Variants in SACS observed in about 807,000 individuals in gnomAD.
SACS encodes the protein sacsin.
In SACS, 197 loss-of-function variants were observed where a neutral mutation model predicts 348.0. The ratio of observed to expected loss-of-function variants is 0.57; its 90% CI spans 0.50 to 0.64. The LOEUF (loss-of-function observed/expected upper bound fraction) is 0.64, where lower values mean the gene tolerates loss of function less well. Ranked by LOEUF, SACS falls within the 30% of genes least tolerant of loss-of-function variation. SACS has a pLI of 0.00. For missense variants in SACS, 4,999 were observed against 5,360.8 expected (o/e 0.93, Z 2.11); for synonymous variants, 1,985 against 1,910.6 (o/e 1.04, Z -1.02).
chr13:23,342,086 C>T (rs1869295649), intron 9 of SACS, among the ~76,000 whole-genome samples: 1 of 151,952 alleles, frequency 6.6e-6, no homozygotes. Context: ...CACGCCCGGC[C>T]AGTACTGGAA....
At chr13:23,396,343 C>T (rs1216032565) in intron 2 of SACS, among the ~76,000 whole-genome samples, 1 of 147,452 alleles carries the variant, frequency 6.8e-6, no homozygotes, top group Non-Finnish European at 1.5e-5. Context: ...AAAAAAAGAA[C>T]TTATATAAAT....
In SACS at chr13:23,341,120, C is replaced by A. The variant is rs748790180; in HGVS notation, c.2756G>T (p.Arg919Ile). 6 of 1,613,328 alleles carry A rather than the reference C, an allele frequency of 3.7e-6. No individual in the cohort carries two copies. Among genetic ancestry groups the A allele is most frequent in the Non-Finnish European group, 5.1e-6 (6 of 1,179,972 alleles). The change falls in exon 10 of 10, where the codon AGA (arginine) becomes ATA (isoleucine). Residue 919 changes from arginine to isoleucine, a missense_variant. Physicochemically the swap from Arg to Ile is moderately conservative, Grantham distance 97. Around this residue, in one of 6 missense-constraint regions of SACS, gnomAD observed 3,156 missense variants for 3,380.1 expected, o/e 0.93. Transcript: ENST00000382292. ...GAATATTGCCAATTCTTGAATAATT[C>A]TTTTCTCTTTCTCACTGCTATCGGT... ...SLTDSSEKEK[R>I]IIQELAIFKR...
In SACS at chr13:23,337,712, T is replaced by C. The variant is rs772503888; in HGVS notation, c.6164A>G (p.Gln2055Arg). The part of the protein sequence containing the change: ...ILLENTFSEK[Q>R]FFSEVFFPNI... ...TGGAAAAAACACTTCAGAAAAAAACTGTTTCTCTGAAAATGTGTTTTCAAG... is the reference window on the plus strand; with the variant it reads ...TGGAAAAAACACTTCAGAAAAAAACCGTTTCTCTGAAAATGTGTTTTCAAG... Residue 2055 changes from glutamine (Q) to arginine (R), a missense_variant, in exon 10 of 10, where the codon CAG becomes CGG. Physicochemically the swap from Gln to Arg is conservative, Grantham distance 43. Around this residue, in one of 6 missense-constraint regions of SACS, gnomAD observed 3,156 missense variants for 3,380.1 expected, o/e 0.93. Transcript: ENST00000382292. 2.5e-6 allele frequency: 4 copies of C among 1,612,984 alleles called. No homozygotes were observed. The highest frequency in any genetic ancestry group is 4.5e-5 in the East Asian group (2 of 44,880).
chr13:23,427,541 C>A (rs908611568), intron 1 of SACS: 1 of 152,258 alleles, frequency 6.6e-6, no homozygotes. Context: ...GATAAACATG[C>A]CAGCTGCACT....
chr13:23,367,008 A>G (rs1364870149), intron 5 of SACS, among the ~76,000 whole-genome samples: 2 of 152,240 alleles, frequency 1.3e-5, no homozygotes, highest in Non-Finnish European at 2.9e-5. Context: ...CTATAAGCAA[A>G]GCAGAAGGCG....
chr13:23,355,266 G>C lies in SACS; in HGVS notation c.1346C>G (p.Pro449Arg). ...GCTGCTTTCCTCACCAGGTGGTAAA[G>C]GAAGGAAACAAAATGCTTTTCCTGA... ...DFSGKAFCFL[P>R]LPPGEESSTG... The change falls in exon 8 of 10, where the codon CCT (proline) becomes CGT (arginine). Residue 449 changes from proline to arginine, a missense_variant. Pro to Arg is a moderately radical substitution (Grantham distance 103). This residue lies in a region of SACS where 3,156 missense variants were observed against 3,380.1 expected (regional missense o/e 0.93). Transcript: ENST00000382292. The C allele has an allele frequency of 6.2e-7, 1 of 1,614,160 alleles. No homozygotes were observed. Among genetic ancestry groups the C allele is most frequent in the Non-Finnish European group, 8.5e-7 (1 of 1,180,040 alleles).
chr13:23,344,110 C>G (rs1411025947), intron 9 of SACS, among the ~76,000 whole-genome samples: 1 of 152,060 alleles, frequency 6.6e-6, no homozygotes, highest in Non-Finnish European at 1.5e-5. Flanking sequence ...TTTAAAAATT[C>G]TCACCGAATC....
At position 23,338,657 on chromosome 13, in the gene SACS, T is replaced by G. The variant is rs1344781271; in HGVS notation, c.5219A>C (p.Lys1740Thr). ...CTTTTTATTACTGCTGCTGCAAGTC[T>G]TCATGAGCTTAGCAGCCTCTTTTAA... is the stretch of plus-strand genomic sequence containing the variant. ...SVLKEAAKLM[K>T]TCSSSNKKLP... Residue 1740 changes from lysine to threonine, a missense_variant, in exon 10 of 10, where the codon AAG becomes ACG. Physicochemically the swap from Lys to Thr is moderately conservative, Grantham distance 78 (BLOSUM62 -1). Transcript: ENST00000382292. The G allele has an allele frequency of 6.2e-7, 1 of 1,614,146 alleles. No homozygotes were observed. Among genetic ancestry groups the G allele is most frequent in the Admixed American group, 1.7e-5 (1 of 60,024 alleles).
At chr13:23,367,927 C>T (rs533461611) in intron 5 of SACS, among the ~76,000 whole-genome samples, 2 of 152,278 alleles carry the variant, frequency 1.3e-5, no homozygotes, top group Admixed American at 6.5e-5. Flanking sequence ...ACTAAAAAAA[C>T]ATATTACAAA....
chr13:23,409,152 C>G lies in SACS; in HGVS notation c.20+2068G>C, dbSNP rs1332337652. Among the ~76,000 whole-genome samples, 3 of 134,972 alleles carry G rather than the reference C, an allele frequency of 2.2e-5. No individual in the cohort carries two copies. In the East Asian group the frequency reaches 7.0e-4, roughly 31 times the overall value. The allele number at this position is 134,972 out of a possible 152,430, so 88.5% of individuals were successfully genotyped here. A position where few individuals can be genotyped will look rare whatever the true frequency, so the allele number is the denominator to read the frequency against. ...ACTGATTGCAAGCTCCGCCTCCCAG[C>G]TTCACACCATTCTCCTGCCTCAGCC... On this transcript the variant is annotated intron_variant, in intron 2 of 9. Transcript: ENST00000382292.
At chr13:23,399,680 A>C (rs1872871041) in intron 2 of SACS, among the ~76,000 whole-genome samples, 1 of 152,122 alleles carries the variant, frequency 6.6e-6, no homozygotes, top group South Asian at 2.1e-4. Context: ...CAGTGGCCAG[A>C]AGTGTGAGTG....
chr13:23,329,829 T>A lies in SACS; in HGVS notation c.*307A>T. The stretch of plus-strand genomic sequence containing the variant: ...ACTTCATCCTAACCAGAGACATACA[T>A]AGACTCTTATCTAACAAACTGCTAA... On this transcript the variant is annotated 3_prime_UTR_variant, in exon 10 of 10. Coordinates refer to ENST00000382292, the MANE Select transcript of SACS (RefSeq NM_014363.6). 1 of 492,632 alleles carries A rather than the reference T, an allele frequency of 2.0e-6. No individual in the cohort carries two copies. Among genetic ancestry groups the A allele is most frequent in the Non-Finnish European group, 3.6e-6 (1 of 276,864 alleles). The allele number at this position is 492,632 out of a possible 1,614,324, so 30.5% of individuals were successfully genotyped here.
chr13:23,360,876 T>C (rs770356818), intron 6 of SACS, among the ~76,000 whole-genome samples: 1 of 151,700 alleles, frequency 6.6e-6, no homozygotes, highest in Non-Finnish European at 1.5e-5. Flanking sequence ...TGTCTCAGCC[T>C]CCCAAGTAGC....
chr13:23,414,536 C>CT (rs58818746), intron 1 of SACS, among the ~76,000 whole-genome samples: 44,897 of 151,984 alleles, frequency 0.3, 7,096 homozygotes, highest in East Asian at 0.46. Context: ...CACTGAATCT[C>CT]TAATTCCAGT....
In SACS at chr13:23,334,826, A is replaced by G. The variant is rs1452415363; in HGVS notation, c.9050T>C (p.Met3017Thr). ...HSAVIITWIN[M>T]STSNKTRPFF... ...TGGTCTAGTTTTATTAGAAGTAGAC[A>G]TATTGATCCAAGTAATTATAACTGC... is the stretch of plus-strand genomic sequence containing the variant. The change falls in exon 10 of 10, where the codon ATG (methionine) becomes ACG (threonine). Residue 3017 changes from methionine (M) to threonine (T), a missense_variant. Around this residue, in one of 6 missense-constraint regions of SACS, gnomAD observed 734 missense variants for 694.0 expected, o/e 1.06. Coordinates refer to ENST00000382292, the MANE Select transcript of SACS (RefSeq NM_014363.6). 6.2e-7 allele frequency: 1 copy of G among 1,613,776 alleles called. No individual in the cohort carries two copies. Among genetic ancestry groups the G allele is most frequent in the Non-Finnish European group, 8.5e-7 (1 of 1,179,856 alleles).
At chr13:23,408,192 G>A (rs9578591) in intron 2 of SACS, among the ~76,000 whole-genome samples, 2,587 of 152,072 alleles carry the variant, frequency 0.017, 64 homozygotes, top group African/African-American at 0.059. Context: ...CATAAGAGAG[G>A]ATTCCTAGAC....
intron 2 of SACS, chr13:23,375,513 G>C: frequency 8.9e-7 from 1 of 1,118,286 alleles, no homozygotes; most frequent in Non-Finnish European, 1.1e-6. Context: ...AGGAGGAAAC[G>C]CTAGAGGAAG....
chr13:23,335,502 T>A lies in SACS; in HGVS notation c.8374A>T (p.Arg2792Trp), dbSNP rs1485827721. The change falls in exon 10 of 10, where the codon AGG (arginine) becomes TGG (tryptophan). Residue 2792 changes from arginine (R) to tryptophan (W), a missense_variant. Around this residue, in one of 6 missense-constraint regions of SACS, gnomAD observed 3,156 missense variants for 3,380.1 expected, o/e 0.93. Transcript: ENST00000382292. The surrounding 1 kb of genome is among the most constrained non-coding windows in gnomAD (Gnocchi z 4.7). The stretch of plus-strand genomic sequence containing the variant: ...TGAACTGGTATGTCTTTGAGCTGCC[T>A]CTTTTTAGTAACACTATCAATTACA... ...ASVIDSVTKKRQLKDIPVQQI... is the reference protein window; with the variant it reads ...ASVIDSVTKKWQLKDIPVQQI... 6.2e-7 allele frequency: 1 copy of A among 1,613,726 alleles called. No homozygotes were observed.
intron 2 of SACS, among the ~76,000 whole-genome samples, chr13:23,405,298 C>T (rs570442963): frequency 5.9e-5 from 9 of 152,272 alleles, no homozygotes; most frequent in South Asian, 2.1e-4. Context: ...CTGACAAAAA[C>T]AAGCAATGGG....
Sources: gnomAD v4.1 joint callset for allele counts (sites outside exome capture counted in the v4.1 genomes callset) on GRCh38, gnomAD v4.1.1 for gene constraint, gnomAD v4.1.1 regional missense constraint, Gnocchi (gnomAD v3.1) non-coding constraint, MANE v1.5 for transcripts, NCBI Gene and HGNC (gene_info 2026-07-23, HGNC 2026-07-21) for gene names.